SAP30L: variants seen among roughly 807,000 people sequenced by gnomAD.
SAP30L encodes histone deacetylase complex subunit SAP30L.
SAP30L carries 10 observed loss-of-function variants against 22.3 expected under a neutral mutation model. The observed-to-expected ratio is 0.45, with a 90% confidence interval of 0.28 to 0.76. The LOEUF is 0.76. SAP30L is among the 30% of genes least tolerant of loss of function. The pLI is 0.14. For missense variants in SAP30L, 206 were observed against 237.9 expected, an observed-to-expected ratio of 0.87 and a Z score of 0.88; for synonymous variants, 91 against 94.1, an observed-to-expected ratio of 0.97 and a Z score of 0.19.
chr5:154,447,692 A>G (rs1036109795), intron 1 of SAP30L, among the ~76,000 whole-genome samples: 2 of 152,240 alleles, frequency 1.3e-5, no homozygotes, highest in South Asian at 4.1e-4. Flanking sequence ...GTTAACATCC[A>G]TTCTCTTCTA....
chr5:154,449,904 A>C (rs1291433378), intron 1 of SAP30L, among the ~76,000 whole-genome samples: 2 of 152,336 alleles, frequency 1.3e-5, no homozygotes, highest in Admixed American at 1.3e-4. Context: ...TAAACTTAAA[A>C]GTACTTATGA....
In SAP30L at chr5:154,457,139, G is replaced by C. The variant is rs1228565947; in HGVS notation, c.*1111G>C. 6.6e-6 allele frequency: 1 copy of C among 152,094 alleles called. No individual in the cohort carries two copies. The allele number at this position is 152,094 out of a possible 1,614,324, so 9.4% of individuals were successfully genotyped here. On this transcript the variant is annotated 3_prime_UTR_variant, in exon 4 of 4. Coordinates refer to ENST00000297109, the MANE Select transcript of SAP30L (RefSeq NM_024632.6). ...TTGTGAACAATTTGCCTCCCTCTTA[G>C]GGAGAAAGATTGCTAAAATAATTTT... is the stretch of plus-strand genomic sequence containing the variant.
rs1245659189 is a variant in SAP30L at position 154,458,076 on chromosome 5, G to C, written c.*2048G>C. 1 of 152,214 alleles carries C rather than the reference G, an allele frequency of 6.6e-6. No individual in the cohort carries two copies. Among genetic ancestry groups the C allele is most frequent in the African/African-American group, 2.4e-5 (1 of 41,442 alleles). 9.4% of individuals were successfully genotyped at this position (152,214 alleles called of 1,614,324 possible). ...GTTTTCCCAGTTGAGAGAGACAATA[G>C]CTTCTGCACAAGAATATATGATGGT... is the stretch of plus-strand genomic sequence containing the variant. On this transcript the variant is annotated 3_prime_UTR_variant, in exon 4 of 4. Coordinates refer to ENST00000297109, the MANE Select transcript of SAP30L (RefSeq NM_024632.6).
At chr5:154,450,985 A>G (rs1044374544) in intron 1 of SAP30L, 106 bp from the exon 2 acceptor site, 23 of 1,182,250 alleles carry the variant, frequency 1.9e-5, no homozygotes, top group African/African-American at 6.2e-5. Context: ...TCTTCCATCT[A>G]TCTCTCCAAT....
In SAP30L at chr5:154,460,611, C is replaced by G. The variant is rs868697474; in HGVS notation, c.*4583C>G. On this transcript the variant is annotated 3_prime_UTR_variant, in exon 4 of 4. Transcript: ENST00000297109. ...AGCCTAGGGCAAGATATGAACTGTT[C>G]TTGAGGTAGAAATGTCTACAGTCAG... The G allele has an allele frequency of 1.5e-4, 23 of 152,316 alleles. No homozygotes were observed. The highest frequency in any genetic ancestry group is 5.1e-4 in the African/African-American group (21 of 41,568). The allele number at this position is 152,316 out of a possible 1,614,324, so 9.4% of individuals were successfully genotyped here.
intron 1 of SAP30L, among the ~76,000 whole-genome samples, chr5:154,447,963 C>CTTTTTTTTTTT (rs1334594389): frequency 4.4e-5 from 5 of 114,664 alleles, no homozygotes; most frequent in Non-Finnish European, 7.2e-5. Flanking sequence ...TTTTTTTTTT[C>CTTTTTTTTTTT]TTTTTCTTTT....
intron 2 of SAP30L, chr5:154,452,447 G>GT: frequency 1.0e-6 from 1 of 981,074 alleles, no homozygotes; most frequent in Non-Finnish European, 1.2e-6. Flanking sequence ...CATTCATTTT[G>GT]TTTTTAAGTG....
At position 154,455,881 on chromosome 5, in the gene SAP30L, G is replaced by A. The variant is rs201426100; in HGVS notation, c.424-19G>A. 576 of 1,598,692 alleles carry A rather than the reference G, an allele frequency of 3.6e-4. 1 individual carries two copies. The highest frequency in any genetic ancestry group is 4.5e-4 in the Admixed American group (25 of 55,402). On this transcript the variant is annotated intron_variant, in intron 3 of 3. Coordinates refer to ENST00000297109, the MANE Select transcript of SAP30L (RefSeq NM_024632.6). ...TTTGTGCATGGTTTAAGGAACTTTG[G>A]TATTTTCCCCCCACATAGACTGTGA...
rs1757000634 is a variant in SAP30L at position 154,446,321 on chromosome 5, G to A, written c.-284G>A. 2.9e-6 allele frequency: 1 copy of A among 343,926 alleles called. No individual in the cohort carries two copies. The highest frequency in any genetic ancestry group is 4.6e-5 in the East Asian group (1 of 21,768). 21.3% of individuals were successfully genotyped at this position (343,926 alleles called of 1,614,324 possible). ...CCCCCGCTGCAGGGTTACGGTTCTGGGCCCCCGGCAGAAGGCTCCTCCGGG... is the reference window on the plus strand; with the variant it reads ...CCCCCGCTGCAGGGTTACGGTTCTGAGCCCCCGGCAGAAGGCTCCTCCGGG... On this transcript the variant is annotated 5_prime_UTR_variant, in exon 1 of 4. Transcript: ENST00000297109.
chr5:154,448,380 G>A lies in SAP30L; in HGVS notation c.201+1575G>A, dbSNP rs1024955627. The stretch of plus-strand genomic sequence containing the variant: ...ACAGGTGCTATTTTTAAGTGGTTGG[G>A]AGAGAGTTAATGGCTTTCTTACTAC... On this transcript the variant is annotated intron_variant, in intron 1 of 3. Transcript: ENST00000297109. Among the ~76,000 whole-genome samples the A allele has an allele frequency of 3.3e-5, 5 of 152,214 alleles. No homozygotes were observed. In the South Asian group the frequency reaches 1.0e-3, roughly 32 times the overall value.
In SAP30L at chr5:154,457,955, T is replaced by G. The variant is rs1472249282; in HGVS notation, c.*1927T>G. The G allele has an allele frequency of 1.3e-5, 2 of 152,200 alleles. No individual in the cohort carries two copies. Among genetic ancestry groups the G allele is most frequent in the Non-Finnish European group, 2.9e-5 (2 of 68,036 alleles). 9.4% of individuals were successfully genotyped at this position (152,200 alleles called of 1,614,324 possible). ...ATTGTTAACTTGCTCCATGGAAATGTCCATATCTTAATGAGTAAAAAAGTG... is the reference window on the plus strand; with the variant it reads ...ATTGTTAACTTGCTCCATGGAAATGGCCATATCTTAATGAGTAAAAAAGTG... On this transcript the variant is annotated 3_prime_UTR_variant, in exon 4 of 4. Transcript: ENST00000297109.
intron 2 of SAP30L, 99 bp downstream of exon 2, chr5:154,451,312 T>A: frequency 7.6e-7 from 1 of 1,311,892 alleles, no homozygotes. Context: ...GAAGTAATTT[T>A]AGTCCTTTTG....
chr5:154,458,434 T>A lies in SAP30L; in HGVS notation c.*2406T>A, dbSNP rs1403929182. On this transcript the variant is annotated 3_prime_UTR_variant, in exon 4 of 4. Transcript: ENST00000297109. ...TATCTGTGGGCAAGGGACTCCTGCCTGTGAGAAGTGGCCAGGCCCTCCAGA... is the reference window on the plus strand; with the variant it reads ...TATCTGTGGGCAAGGGACTCCTGCCAGTGAGAAGTGGCCAGGCCCTCCAGA... 1 of 152,332 alleles carries A rather than the reference T, an allele frequency of 6.6e-6. No individual in the cohort carries two copies. The allele number at this position is 152,332 out of a possible 1,614,324, so 9.4% of individuals were successfully genotyped here. A position where few individuals can be genotyped will look rare whatever the true frequency, so the allele number is the denominator to read the frequency against.
rs560734922 is a variant in SAP30L, at chr5:154,456,835, C to T, written c.*807C>T. On this transcript the variant is annotated 3_prime_UTR_variant, in exon 4 of 4. Transcript: ENST00000297109. ...ACGGTCCCTTATGCACCCCACTATG[C>T]TTCACTCTTTGGGGTGCAGTTAGAT... The T allele has an allele frequency of 1.3e-5, 2 of 152,232 alleles. No homozygotes were observed. The highest frequency in any genetic ancestry group is 2.4e-5 in the African/African-American group (1 of 41,458). The allele number at this position is 152,232 out of a possible 1,614,324, so 9.4% of individuals were successfully genotyped here. A position where few individuals can be genotyped will look rare whatever the true frequency, so the allele number is the denominator to read the frequency against.
At chr5:154,450,527 A>G (rs186603243) in intron 1 of SAP30L, among the ~76,000 whole-genome samples, 1 of 152,266 alleles carries the variant, frequency 6.6e-6, no homozygotes, top group African/African-American at 2.4e-5. Flanking sequence ...TGACTCCTAC[A>G]GGTCTTCTAA....
chr5:154,446,578 C>G lies in SAP30L; in HGVS notation c.-27C>G, dbSNP rs2113262677. On this transcript the variant is annotated 5_prime_UTR_variant, in exon 1 of 4. Transcript: ENST00000297109. ...GGAGTGGCCTACCGGGGACCCTCCC[C>G]CAGAGGGACCGGCCCGGGGCGGGGA... The G allele has an allele frequency of 1.4e-6, 2 of 1,442,482 alleles. No homozygotes were observed. The highest frequency in any genetic ancestry group is 1.8e-6 in the Non-Finnish European group (2 of 1,102,294). The allele number at this position is 1,442,482 out of a possible 1,614,324, so 89.4% of individuals were successfully genotyped here. A position where few individuals can be genotyped will look rare whatever the true frequency, so the allele number is the denominator to read the frequency against.
intron 1 of SAP30L, among the ~76,000 whole-genome samples, chr5:154,448,256 G>T (rs576285362): frequency 6.6e-6 from 1 of 152,050 alleles, no homozygotes; most frequent in African/African-American, 2.4e-5. Context: ...GATTACAGGC[G>T]TGAGCCACTG....
At chr5:154,455,020 A>C (rs895179465) in intron 3 of SAP30L, among the ~76,000 whole-genome samples, 2 of 151,916 alleles carry the variant, frequency 1.3e-5, no homozygotes, top group African/African-American at 2.4e-5. Flanking sequence ...CCCGGGTTCA[A>C]GTGATTCTTC....
rs1322526605 is a variant in SAP30L at position 154,460,589 on chromosome 5, C to T, written c.*4561C>T. 2.6e-5 allele frequency: 4 copies of T among 152,194 alleles called. No individual in the cohort carries two copies. The highest frequency in any genetic ancestry group is 9.7e-5 in the African/African-American group (4 of 41,442). 9.4% of individuals were successfully genotyped at this position (152,194 alleles called of 1,614,324 possible). A position where few individuals can be genotyped will look rare whatever the true frequency, so the allele number is the denominator to read the frequency against. On this transcript the variant is annotated 3_prime_UTR_variant, in exon 4 of 4. Transcript: ENST00000297109. ...CTGGTGTTTTGAGGTAGAACCCAGCCTAGGGCAAGATATGAACTGTTCTTG... is the reference window on the plus strand; with the variant it reads ...CTGGTGTTTTGAGGTAGAACCCAGCTTAGGGCAAGATATGAACTGTTCTTG...
Sources: allele counts gnomAD v4.1 joint callset (sites outside exome capture counted in the v4.1 genomes callset), GRCh38; gene constraint gnomAD v4.1.1; transcripts MANE v1.5; gene names NCBI Gene and HGNC (gene_info 2026-07-23, HGNC 2026-07-21).